The following SPMIP2 variants were observed in gnomAD, a reference collection of about 807,000 sequenced individuals.
The protein encoded by SPMIP2 is sperm microtubule inner protein 2.
chr4:159,073,280 A>G, the SPMIP2 span, among the ~76,000 whole-genome samples: 1 of 152,086 alleles, frequency 6.6e-6, no homozygotes, highest in African/African-American at 2.4e-5. Flanking sequence ...CAGCTCCCCA[A>G]GAAGCTGGGG....
chr4:158,899,055 G>A, the SPMIP2 span, among the ~76,000 whole-genome samples: 1 of 152,118 alleles, frequency 6.6e-6, no homozygotes, highest in Non-Finnish European at 1.5e-5. Context: ...AGCTTGAAGT[G>A]GTGTTGAGTT....
the SPMIP2 span, among the ~76,000 whole-genome samples, chr4:158,910,115 A>G: frequency 6.6e-6 from 1 of 152,014 alleles, no homozygotes; most frequent in East Asian, 1.9e-4. Context: ...TCTGGGCCTT[A>G]CATGACCCTC....
the SPMIP2 span, chr4:159,034,997 G>A: frequency 6.6e-7 from 1 of 1,525,050 alleles, no homozygotes; most frequent in African/African-American, 1.4e-5. Flanking sequence ...AGCAAATTTA[G>A]ATCTCCTTGT....
At chr4:158,937,365 G>T in the SPMIP2 span, 3 of 153,578 alleles carry the variant, frequency 2.0e-5, no homozygotes, top group Non-Finnish European at 4.4e-5. Flanking sequence ...GATAATTGTT[G>T]CCTGGGAGGT....
At chr4:158,973,802 A>G in the SPMIP2 span, among the ~76,000 whole-genome samples, 16 of 152,030 alleles carry the variant, frequency 1.1e-4, no homozygotes, top group Admixed American at 5.9e-4. Context: ...CAGCCTGGAT[A>G]ACTTCTGAGA....
chr4:158,966,604 C>T, the SPMIP2 span, among the ~76,000 whole-genome samples: 1 of 152,154 alleles, frequency 6.6e-6, no homozygotes, highest in African/African-American at 2.4e-5. Flanking sequence ...GTTGAAAAAT[C>T]TGTGACATAT....
At chr4:158,997,202 T>A in the SPMIP2 span, among the ~76,000 whole-genome samples, 5 of 152,014 alleles carry the variant, frequency 3.3e-5, no homozygotes, top group African/African-American at 1.2e-4. Flanking sequence ...ATTAGTTTGG[T>A]GTTCGTACTA....
At chr4:158,954,969 G>T in the SPMIP2 span, among the ~76,000 whole-genome samples, 1 of 151,950 alleles carries the variant, frequency 6.6e-6, no homozygotes, top group Non-Finnish European at 1.5e-5. Flanking sequence ...TCTGCTTGTT[G>T]AAATTAGAAA....
chr4:158,987,216 C>G, the SPMIP2 span, among the ~76,000 whole-genome samples: 2 of 149,214 alleles, frequency 1.3e-5, no homozygotes, highest in Non-Finnish European at 3.0e-5. Context: ...TTGTGGAAGT[C>G]AGTGTGGCAA....
At chr4:158,920,352 G>A in the SPMIP2 span, among the ~76,000 whole-genome samples, 1 of 152,160 alleles carries the variant, frequency 6.6e-6, no homozygotes, top group South Asian at 2.1e-4. Flanking sequence ...AGGTCTGACT[G>A]CCTGCGGGGT....
the SPMIP2 span, among the ~76,000 whole-genome samples, chr4:159,056,381 A>T: frequency 7.9e-5 from 12 of 152,138 alleles, no homozygotes; most frequent in African/African-American, 2.9e-4. Flanking sequence ...TTCACGGTGG[A>T]TGTGCTGAGT....
At chr4:158,899,104 A>G in the SPMIP2 span, among the ~76,000 whole-genome samples, 1 of 152,164 alleles carries the variant, frequency 6.6e-6, no homozygotes, top group African/African-American at 2.4e-5. Context: ...AGATGAGATA[A>G]TCATCTGGTT....
the SPMIP2 span, among the ~76,000 whole-genome samples, chr4:158,936,665 A>G: frequency 0.068 from 10,287 of 152,336 alleles, 414 homozygotes; most frequent in Admixed American, 0.14. Context: ...TTCCCTTTGG[A>G]AGATTCACAG....
the SPMIP2 span, among the ~76,000 whole-genome samples, chr4:159,028,392 G>A: frequency 2.0e-5 from 3 of 152,046 alleles, no homozygotes; most frequent in Non-Finnish European, 4.4e-5. Context: ...GTGCAGTAGT[G>A]TGATCACAGC....
chr4:159,024,341 C>A, the SPMIP2 span, among the ~76,000 whole-genome samples: 1 of 152,178 alleles, frequency 6.6e-6, no homozygotes, highest in East Asian at 1.9e-4. Context: ...TTAATAGGCA[C>A]GGTGAAAGGT....
At chr4:159,019,304 A>AAAG in the SPMIP2 span, among the ~76,000 whole-genome samples, 1 of 150,460 alleles carries the variant, frequency 6.6e-6, no homozygotes, top group Non-Finnish European at 1.5e-5. Flanking sequence ...CTCAAAAAAA[A>AAAG]AAAAAAAAAA....
chr4:158,903,229 A>G, the SPMIP2 span, among the ~76,000 whole-genome samples: 18 of 152,206 alleles, frequency 1.2e-4, no homozygotes, highest in Middle Eastern at 3.4e-3. Flanking sequence ...GGGTAGGGGA[A>G]ACAATTCCCT....
the SPMIP2 span, among the ~76,000 whole-genome samples, chr4:158,930,216 T>TCTCTCTCA: frequency 1.1e-5 from 1 of 91,006 alleles, no homozygotes; most frequent in Admixed American, 1.2e-4. Context: ...TCTCTCTCTC[T>TCTCTCTCA]CACTCGCTCT....
At chr4:158,979,789 G>GTTTTTTTTTTTTTTTTTTTTTTTTTTTTT in the SPMIP2 span, among the ~76,000 whole-genome samples, 1 of 104,512 alleles carries the variant, frequency 9.6e-6, no homozygotes, top group Non-Finnish European at 1.8e-5. Context: ...AGTTGCAAGA[G>GTTTTTTTTTTTTTTTTTTTTTTTTTTTTT]TTTTTTTTTT....
Sources: gnomAD v4.1 joint callset for allele counts (sites outside exome capture counted in the v4.1 genomes callset) on GRCh38, gnomAD v4.1.1 for gene constraint, MANE v1.5 for transcripts, NCBI Gene and HGNC (gene_info 2026-07-23, HGNC 2026-07-21) for gene names.